Variants in ADARB2 observed in about 807,000 individuals in gnomAD.
The protein encoded by ADARB2 is adenosine deaminase RNA specific B2 (inactive).
ADARB2 carries 25 observed loss-of-function variants against 62.2 expected under a neutral mutation model. That is an observed-to-expected ratio of 0.40 (90% CI 0.29 to 0.56). The LOEUF is 0.56. Among genes scored for constraint, ADARB2 ranks in the 20% least tolerant of loss-of-function variants. The pLI, the probability that ADARB2 is intolerant of heterozygous loss-of-function variation, is 0.43. For missense variants in ADARB2, 1,071 were observed against 1,077.4 expected (o/e 0.99, Z 0.08); for synonymous variants, 572 against 500.8 (o/e 1.14, Z -1.90).
In ADARB2 at chr10:1,463,081, G is replaced by A. The variant is rs76729018; in HGVS notation, c.101-83921C>T. Among the ~76,000 whole-genome samples, 163 of 152,272 alleles carry A rather than the reference G, an allele frequency of 1.1e-3. 1 individual carries two copies. The highest frequency in any genetic ancestry group is 3.3e-3 in the African/African-American group (138 of 41,532). ...TCCATTTAGGGATGCCTAAGTGAGC[G>A]GAGCATAGTAACCAGGGTCATGGTG... On this transcript the variant is annotated intron_variant, in intron 1 of 9. Transcript: ENST00000381312.
chr10:1,301,475 T>C (rs993987875), intron 3 of ADARB2, among the ~76,000 whole-genome samples: 3 of 152,200 alleles, frequency 2.0e-5, no homozygotes, highest in Admixed American at 1.3e-4. Context: ...CATCAAAATA[T>C]TGAATATCAA....
At position 1,426,559 on chromosome 10, in the gene ADARB2, C is replaced by T. The variant is rs1474211861; in HGVS notation, c.101-47399G>A. On this transcript the variant is annotated intron_variant, in intron 1 of 9. Coordinates refer to ENST00000381312, the MANE Select transcript of ADARB2 (RefSeq NM_018702.4). The surrounding 1 kb of genome is among the most constrained non-coding windows in gnomAD (Gnocchi z 4.1). ...TGAGGCCTCAGTTCTGCCTCTCTCC[C>T]CTGTTGTGGCCTTGGAAGGAAAAGC... Among the ~76,000 whole-genome samples the T allele has an allele frequency of 6.6e-6, 1 of 152,134 alleles. No homozygotes were observed. The highest frequency in any genetic ancestry group is 2.1e-4 in the South Asian group (1 of 4,834).
chr10:1,296,197 G>A (rs987810764), intron 3 of ADARB2, among the ~76,000 whole-genome samples: 9 of 152,178 alleles, frequency 5.9e-5, no homozygotes, highest in Admixed American at 1.3e-4. Flanking sequence ...CAGGATCCAC[G>A]TGTAAGACAA....
chr10:1,548,754 A>G (rs1186239635), intron 1 of ADARB2, among the ~76,000 whole-genome samples: 1 of 152,242 alleles, frequency 6.6e-6, no homozygotes, highest in Non-Finnish European at 1.5e-5. Flanking sequence ...CAGAAACTAC[A>G]TGGAACCTAC....
intron 1 of ADARB2, among the ~76,000 whole-genome samples, chr10:1,616,225 T>C (rs1313059057): frequency 6.6e-6 from 1 of 152,164 alleles, no homozygotes; most frequent in Admixed American, 6.5e-5. Context: ...CCAGTGGGAG[T>C]GTAACTGGAT....
rs4880839 is a variant in ADARB2 at position 1,373,547 on chromosome 10, G to A, written c.187+5527C>T. On this transcript the variant is annotated intron_variant, in intron 2 of 9. Coordinates refer to ENST00000381312, the MANE Select transcript of ADARB2 (RefSeq NM_018702.4). Reference sequence around the variant, plus strand: ...TGTGACTGTGTGACTGTGTGCATGCGTGTGTGTGTGCATTATGTATACTTT... The same window carrying A: ...TGTGACTGTGTGACTGTGTGCATGCATGTGTGTGTGCATTATGTATACTTT... Among the ~76,000 whole-genome samples, 184 of 152,252 alleles carry A rather than the reference G, an allele frequency of 1.2e-3. 1 individual carries two copies. The highest frequency in any genetic ancestry group is 0.012 in the East Asian group (62 of 5,176).
intron 1 of ADARB2, among the ~76,000 whole-genome samples, chr10:1,662,338 C>A (rs1436696714): frequency 6.6e-6 from 1 of 152,180 alleles, no homozygotes; most frequent in Non-Finnish European, 1.5e-5. Context: ...CCATCCTCGG[C>A]CTCAGGAACT....
intron 1 of ADARB2, among the ~76,000 whole-genome samples, chr10:1,492,436 A>T (rs546621825): frequency 1.3e-5 from 2 of 152,242 alleles, no homozygotes; most frequent in South Asian, 4.1e-4. Context: ...GGAGAGTACC[A>T]CGTGACGCTA....
chr10:1,681,093 C>G (rs1346044100), intron 1 of ADARB2, among the ~76,000 whole-genome samples: 1 of 152,138 alleles, frequency 6.6e-6, no homozygotes, highest in Non-Finnish European at 1.5e-5. Flanking sequence ...AGCCCCTGGA[C>G]AGGAATAATG....
chr10:1,294,952 T>C (rs936569154), intron 3 of ADARB2, among the ~76,000 whole-genome samples: 3 of 152,174 alleles, frequency 2.0e-5, no homozygotes, highest in African/African-American at 4.8e-5. Context: ...ATGTCTCTGT[T>C]TGTCAAAGCA....
At chr10:1,339,182 G>A (rs1433048074) in intron 3 of ADARB2, among the ~76,000 whole-genome samples, 1 of 152,188 alleles carries the variant, frequency 6.6e-6, no homozygotes, top group East Asian at 1.9e-4. Context: ...GCTGAGCATG[G>A]ACCCCACAGC....
At chr10:1,423,832 C>G (rs1157702596) in intron 1 of ADARB2, among the ~76,000 whole-genome samples, 2 of 151,894 alleles carry the variant, frequency 1.3e-5, no homozygotes, top group African/African-American at 4.8e-5. Flanking sequence ...AGTAAATCCA[C>G]TACGTATGCA....
intron 1 of ADARB2, among the ~76,000 whole-genome samples, chr10:1,720,037 C>A (rs546144787): frequency 8.5e-4 from 129 of 152,324 alleles, no homozygotes; most frequent in Non-Finnish European, 1.6e-3. Flanking sequence ...ACCCACCCCC[C>A]ACCAAATAAA....
chr10:1,646,126 T>C (rs1834038253), intron 1 of ADARB2, among the ~76,000 whole-genome samples: 1 of 151,946 alleles, frequency 6.6e-6, no homozygotes, highest in South Asian at 2.1e-4. Flanking sequence ...TGCACACAGG[T>C]GAGTTAGGGG....
At chr10:1,267,662 A>C (rs1485925324) in intron 4 of ADARB2, among the ~76,000 whole-genome samples, 1 of 152,212 alleles carries the variant, frequency 6.6e-6, no homozygotes, top group Non-Finnish European at 1.5e-5. Context: ...CACGCACAAT[A>C]TTTCAAAAGC....
chr10:1,718,813 T>A (rs7910540), intron 1 of ADARB2, among the ~76,000 whole-genome samples: 1 of 152,036 alleles, frequency 6.6e-6, no homozygotes, highest in East Asian at 1.9e-4. Flanking sequence ...TTCTTGTGGC[T>A]GGGACTGTCC....
At chr10:1,302,592 AAGAC>A (rs1325801487) in intron 3 of ADARB2, among the ~76,000 whole-genome samples, 1 of 152,152 alleles carries the variant, frequency 6.6e-6, no homozygotes, top group Non-Finnish European at 1.5e-5. Context: ...GACAAACAAA[AAGAC>A]AGCAGTAACC....
At chr10:1,610,021 C>A (rs1833547474) in intron 1 of ADARB2, among the ~76,000 whole-genome samples, 1 of 151,970 alleles carries the variant, frequency 6.6e-6, no homozygotes, top group South Asian at 2.1e-4. Flanking sequence ...CAAGCTTGGG[C>A]AGCCACCAGC....
Position 1,331,321 on chromosome 10 carries a change from T to G in ADARB2, c.1077+31707A>C, listed in dbSNP as rs553501377. On this transcript the variant is annotated intron_variant, in intron 3 of 9. Coordinates refer to ENST00000381312, the MANE Select transcript of ADARB2 (RefSeq NM_018702.4). ...TATTCAAGTGTTCACAGTGGCAATATTCATAATAGACAAAAAGTAGAAATG... is the reference window on the plus strand; with the variant it reads ...TATTCAAGTGTTCACAGTGGCAATAGTCATAATAGACAAAAAGTAGAAATG... Among the ~76,000 whole-genome samples, 6 of 152,342 alleles carry G rather than the reference T, an allele frequency of 3.9e-5. No individual in the cohort carries two copies. In the South Asian group the frequency reaches 1.2e-3, roughly 32 times the overall value.
Sources: allele counts gnomAD v4.1 joint callset (sites outside exome capture counted in the v4.1 genomes callset), GRCh38; gene constraint gnomAD v4.1.1; non-coding constraint Gnocchi (gnomAD v3.1); transcripts MANE v1.5; gene names NCBI Gene and HGNC (gene_info 2026-07-23, HGNC 2026-07-21).